The following RUNDC3B variants were observed in gnomAD, a reference collection of about 807,000 sequenced individuals.
RUNDC3B encodes the protein RUN domain containing 3B, also known as RUN domain-containing protein 3B.
Under a neutral mutation model 58.4 loss-of-function variants are expected in RUNDC3B, and 33 were observed. The observed-to-expected ratio is 0.56, with a 90% CI of 0.43 to 0.75. The LOEUF is 0.75. Ranked by LOEUF, RUNDC3B falls within the 30% of genes least tolerant of loss-of-function variation. RUNDC3B has a pLI of 0.00. For missense variants in RUNDC3B, 501 were observed against 535.7 expected (o/e 0.94, Z 0.64); for synonymous variants, 193 against 195.2 (o/e 0.99, Z 0.10).
In RUNDC3B at chr7:87,774,454, A is replaced by C. The variant is rs372737610; in HGVS notation, c.799-3344A>C. 6.8e-4 allele frequency among the ~76,000 whole-genome samples: 104 copies of C among 152,270 alleles called. No homozygotes were observed. In the South Asian group the frequency reaches 0.021, roughly 30 times the overall value. ...AACCAAGAGATAATTATTTGCAAAA[A>C]TTAATGAAATAAATTCTAGCAAGAA... is the stretch of plus-strand genomic sequence containing the variant. On this transcript the variant is annotated intron_variant, in intron 7 of 10. Coordinates refer to ENST00000394654, the MANE Select transcript of RUNDC3B (RefSeq NM_001134405.2).
At chr7:87,661,799 T>C (rs1467107596) in intron 2 of RUNDC3B, among the ~76,000 whole-genome samples, 1 of 151,966 alleles carries the variant, frequency 6.6e-6, no homozygotes, top group African/African-American at 2.4e-5. Context: ...TATGGTAGTT[T>C]AATTTTAAGT....
chr7:87,758,003 T>C (rs1316157639), intron 6 of RUNDC3B, among the ~76,000 whole-genome samples: 1 of 152,114 alleles, frequency 6.6e-6, no homozygotes, highest in East Asian at 1.9e-4. Context: ...AAAAACCAAA[T>C]CAAAATGCAT....
chr7:87,756,158 G>T (rs895369031), intron 6 of RUNDC3B, among the ~76,000 whole-genome samples: 1 of 152,010 alleles, frequency 6.6e-6, no homozygotes, highest in Non-Finnish European at 1.5e-5. Context: ...GTATTTGTAA[G>T]TTTTACCAAA....
chr7:87,767,580 C>T (rs1311838161), intron 6 of RUNDC3B, among the ~76,000 whole-genome samples: 1 of 151,904 alleles, frequency 6.6e-6, no homozygotes, highest in Non-Finnish European at 1.5e-5. Context: ...GCACTTATCT[C>T]ATAACCTAGC....
intron 6 of RUNDC3B, among the ~76,000 whole-genome samples, chr7:87,768,212 C>A (rs970614271): frequency 6.6e-6 from 1 of 152,172 alleles, no homozygotes; most frequent in African/African-American, 2.4e-5. Flanking sequence ...AGTCACCCAT[C>A]TTGTCACAAA....
At chr7:87,825,325 G>A (rs981849051) in intron 10 of RUNDC3B, among the ~76,000 whole-genome samples, 1 of 152,190 alleles carries the variant, frequency 6.6e-6, no homozygotes, top group Admixed American at 6.5e-5. Context: ...AAGACAATGG[G>A]AGAAATGTCT....
chr7:87,719,930 C>T (rs1830768680), intron 4 of RUNDC3B, among the ~76,000 whole-genome samples: 2 of 145,948 alleles, frequency 1.4e-5, no homozygotes, highest in Non-Finnish European at 3.0e-5. Context: ...TAAAATTCTT[C>T]TAAGTCTGAA....
intron 8 of RUNDC3B, among the ~76,000 whole-genome samples, chr7:87,799,592 T>C (rs551241512): frequency 1.3e-5 from 2 of 152,202 alleles, no homozygotes; most frequent in African/African-American, 4.8e-5. Flanking sequence ...GGAGTACATC[T>C]TAAGAATTAC....
rs187919403 is a variant in RUNDC3B at position 87,771,286 on chromosome 7, C to G, written c.798+537C>G. 5.0e-3 allele frequency among the ~76,000 whole-genome samples: 754 copies of G among 151,272 alleles called. 7 individuals are homozygous for G. Among genetic ancestry groups the G allele is most frequent in the African/African-American group, 0.017 (722 of 41,286 alleles). On this transcript the variant is annotated intron_variant, in intron 7 of 10. Transcript: ENST00000394654. ...ATGATATATATATATAAGGAAAGCC[C>G]AATGGAATTAGTGATAGAAATATTC...
intron 7 of RUNDC3B, among the ~76,000 whole-genome samples, chr7:87,771,552 G>C (rs954549417): frequency 6.6e-6 from 1 of 152,232 alleles, no homozygotes; most frequent in Non-Finnish European, 1.5e-5. Context: ...ATGCTGAGTA[G>C]AATACAATTT....
At chr7:87,671,055 T>C (rs1443945930) in intron 2 of RUNDC3B, among the ~76,000 whole-genome samples, 1 of 152,168 alleles carries the variant, frequency 6.6e-6, no homozygotes. Context: ...TTTGCTTGTT[T>C]CCTGGGGGCT....
chr7:87,825,712 A>G (rs1837768308), intron 10 of RUNDC3B, among the ~76,000 whole-genome samples: 1 of 152,226 alleles, frequency 6.6e-6, no homozygotes, highest in African/African-American at 2.4e-5. Context: ...TGTACTCTGC[A>G]AAACCACAGG....
chr7:87,714,767 A>AC (rs28746483), intron 4 of RUNDC3B, among the ~76,000 whole-genome samples: 3,808 of 150,984 alleles, frequency 0.025, 62 homozygotes, highest in Middle Eastern at 0.065. Flanking sequence ...ATGGACAGGC[A>AC]CCCCCCCGCC....
Position 87,684,746 on chromosome 7 carries a change from C to CAAAAAAAAAAAAAAAAAAAAAAA in RUNDC3B, c.239-15670_239-15648dup, listed in dbSNP as rs71524694. On this transcript the variant is annotated intron_variant, in intron 2 of 10. Coordinates refer to ENST00000394654, the MANE Select transcript of RUNDC3B (RefSeq NM_001134405.2). Reference sequence around the variant, plus strand: ...CTGGTGACAGAGTGAGACTCCGTCTCAAAAAAAAAAAAAAAAAAAAAAAAA... The same window carrying CAAAAAAAAAAAAAAAAAAAAAAA: ...CTGGTGACAGAGTGAGACTCCGTCTCAAAAAAAAAAAAAAAAAAAAAAAAAAAAAAAAAAAAAAAAAAAAAAAA... Among the ~76,000 whole-genome samples, 7 of 37,792 alleles carry CAAAAAAAAAAAAAAAAAAAAAAA rather than the reference C, an allele frequency of 1.9e-4. 1 individual carries two copies. Among genetic ancestry groups the CAAAAAAAAAAAAAAAAAAAAAAA allele is most frequent in the Non-Finnish European group, 2.4e-4 (6 of 25,128 alleles). The allele number at this position is 37,792 out of a possible 152,430, so 24.8% of individuals were successfully genotyped here. A position where few individuals can be genotyped will look rare whatever the true frequency, so the allele number is the denominator to read the frequency against.
At chr7:87,726,910 A>G (rs1831268321) in intron 4 of RUNDC3B, among the ~76,000 whole-genome samples, 1 of 152,110 alleles carries the variant, frequency 6.6e-6, no homozygotes, top group East Asian at 1.9e-4. Context: ...GTGTATAAGA[A>G]TGCTTGTGAT....
At chr7:87,651,699 T>C (rs183533853) in intron 2 of RUNDC3B, among the ~76,000 whole-genome samples, 38 of 152,236 alleles carry the variant, frequency 2.5e-4, no homozygotes, top group Admixed American at 2.4e-3. Context: ...GTAACATAAC[T>C]TATGAGCATC....
At chr7:87,727,465 A>G (rs770652598) in intron 4 of RUNDC3B, among the ~76,000 whole-genome samples, 1 of 152,000 alleles carries the variant, frequency 6.6e-6, no homozygotes, top group Non-Finnish European at 1.5e-5. Context: ...TATTTCTTTG[A>G]TTATTAATGT....
chr7:87,743,934 T>G (rs1405562912), intron 6 of RUNDC3B, among the ~76,000 whole-genome samples: 2 of 152,244 alleles, frequency 1.3e-5, no homozygotes, highest in Admixed American at 1.3e-4. Context: ...TGCAGAGTTT[T>G]TATAGTTTCA....
At chr7:87,715,521 T>G (rs1002218237) in intron 4 of RUNDC3B, among the ~76,000 whole-genome samples, 25 of 137,990 alleles carry the variant, frequency 1.8e-4, no homozygotes, top group Non-Finnish European at 2.9e-4. Flanking sequence ...ATTAATTATA[T>G]ATATAACATT....
Sources: gnomAD v4.1 joint callset for allele counts (sites outside exome capture counted in the v4.1 genomes callset) on GRCh38, gnomAD v4.1.1 for gene constraint, MANE v1.5 for transcripts, NCBI Gene and HGNC (gene_info 2026-07-23, HGNC 2026-07-21) for gene names.